Variants in TRIM37 observed in about 807,000 individuals in gnomAD.
The protein encoded by TRIM37 is E3 ubiquitin-protein ligase TRIM37.
In TRIM37, 80 loss-of-function variants were observed where a neutral mutation model predicts 129.8. That is an observed-to-expected ratio of 0.62 (90% confidence interval 0.51 to 0.74). The LOEUF (loss-of-function observed/expected upper bound fraction) is 0.74, where lower values mean the gene tolerates loss of function less well. TRIM37 is among the 30% of genes least tolerant of loss of function. The pLI is 0.00. For missense variants in TRIM37, 1,054 were observed against 1,176.5 expected, an observed-to-expected ratio of 0.90 and a Z score of 1.52; for synonymous variants, 389 against 387.1, an observed-to-expected ratio of 1.00 and a Z score of -0.06.
At chr17:59,036,447 G>GGTGTGTGT (rs10625636) in intron 17 of TRIM37, among the ~76,000 whole-genome samples, 1,589 of 140,652 alleles carry the variant, frequency 0.011, 14 homozygotes, top group Middle Eastern at 0.021. Context: ...ATTTGCTGGG[G>GGTGTGTGT]GTGTGTGTGT....
chr17:59,076,844 A>C (rs575829621), intron 7 of TRIM37, among the ~76,000 whole-genome samples: 1 of 152,278 alleles, frequency 6.6e-6, no homozygotes, highest in South Asian at 2.1e-4. Context: ...GCTAGAATGC[A>C]ATGGCACGAA....
chr17:59,066,949 G>A (rs1342994216), intron 9 of TRIM37, among the ~76,000 whole-genome samples: 1 of 152,048 alleles, frequency 6.6e-6, no homozygotes, highest in Non-Finnish European at 1.5e-5. Flanking sequence ...AATACTTGCT[G>A]GCAGATTCGT....
chr17:58,978,541 T>A (rs2031165269), downstream of TRIM37, among the ~76,000 whole-genome samples: 1 of 152,048 alleles, frequency 6.6e-6, no homozygotes, highest in Admixed American at 6.6e-5. Flanking sequence ...TGAAACCCCG[T>A]CTCTAATAAA....
At chr17:58,990,485 T>C (rs2032269452) in intron 24 of TRIM37, among the ~76,000 whole-genome samples, 2 of 150,366 alleles carry the variant, frequency 1.3e-5, no homozygotes, top group Non-Finnish European at 3.0e-5. Flanking sequence ...AGTGGGACTC[T>C]GTCTCAAAAG....
At chr17:59,054,733 C>T (rs185528658) in intron 13 of TRIM37, among the ~76,000 whole-genome samples, 1 of 152,228 alleles carries the variant, frequency 6.6e-6, no homozygotes, top group Non-Finnish European at 1.5e-5. Flanking sequence ...GGCATAATCT[C>T]GGTTCACTGC....
At chr17:58,987,388 C>T (rs1161866972) in intron 24 of TRIM37, among the ~76,000 whole-genome samples, 1 of 152,150 alleles carries the variant, frequency 6.6e-6, no homozygotes, top group African/African-American at 2.4e-5. Flanking sequence ...AAATGCACAC[C>T]AGGAGACACT....
intron 18 of TRIM37, among the ~76,000 whole-genome samples, chr17:59,029,459 C>T (rs1366673437): frequency 1.3e-5 from 2 of 152,134 alleles, no homozygotes; most frequent in Non-Finnish European, 2.9e-5. Context: ...TTCTACTTAC[C>T]ACTATATGTA....
chr17:59,017,445 A>C (rs2036089943), intron 19 of TRIM37, 21 bp from the exon 20 acceptor site: 1 of 1,613,530 alleles, frequency 6.2e-7, no homozygotes, highest in African/African-American at 1.3e-5. Context: ...ATTTAAGAAC[A>C]CCTCTGAATA....
At position 59,041,885 on chromosome 17, in the gene TRIM37, C is replaced by T; in HGVS notation, c.1681G>A (p.Asp561Asn). Residue 561 changes from aspartate (D) to asparagine (N), a missense_variant, in exon 17 of 24, where the codon GAT (aspartate) becomes AAT (asparagine). Transcript: ENST00000262294. ...IDEETMSGENDVEYNNMELEE... is the reference protein window; with the variant it reads ...IDEETMSGENNVEYNNMELEE... Reference sequence around the variant, plus strand: ...AATTCCATGTTGTTATATTCCACATCATTTTCTCCAGACCTAAGAATATAC... The same window carrying T: ...AATTCCATGTTGTTATATTCCACATTATTTTCTCCAGACCTAAGAATATAC... 6.2e-7 allele frequency: 1 copy of T among 1,612,930 alleles called. No individual in the cohort carries two copies. The highest frequency in any genetic ancestry group is 1.3e-5 in the African/African-American group (1 of 75,008).
chr17:59,065,581 A>G (rs1455082848), intron 9 of TRIM37, among the ~76,000 whole-genome samples: 3 of 152,218 alleles, frequency 2.0e-5, no homozygotes, highest in African/African-American at 7.2e-5. Context: ...TTTCATTAGA[A>G]CACCTCAAAA....
At chr17:59,098,931 T>C (rs1281974294) in intron 2 of TRIM37, among the ~76,000 whole-genome samples, 1 of 152,080 alleles carries the variant, frequency 6.6e-6, no homozygotes, top group African/African-American at 2.4e-5. Flanking sequence ...ACGCCTGTAA[T>C]CCCAGCACTT....
chr17:58,979,416 T>G (rs544141158), downstream of TRIM37, among the ~76,000 whole-genome samples: 39 of 152,182 alleles, frequency 2.6e-4, no homozygotes, highest in Non-Finnish European at 4.4e-4. Context: ...TTAGACTTGA[T>G]TTATAAAATC....
chr17:59,075,301 C>T (rs923279404), intron 8 of TRIM37, among the ~76,000 whole-genome samples: 4 of 151,992 alleles, frequency 2.6e-5, no homozygotes, highest in South Asian at 2.1e-4. Context: ...CGGTGGCTCA[C>T]GCCTGTAATC....
At chr17:59,023,063 T>C (rs1373183901) in intron 19 of TRIM37, among the ~76,000 whole-genome samples, 1 of 152,012 alleles carries the variant, frequency 6.6e-6, no homozygotes, top group Non-Finnish European at 1.5e-5. Flanking sequence ...GGATGTACCT[T>C]TTAACTTTTT....
chr17:59,007,700 C>A (rs938059969), intron 22 of TRIM37, among the ~76,000 whole-genome samples: 3 of 152,190 alleles, frequency 2.0e-5, no homozygotes, highest in African/African-American at 7.2e-5. Context: ...GCGACTAATA[C>A]AACCAAAGGT....
At chr17:59,027,188 G>T (rs2037338857) in intron 19 of TRIM37, among the ~76,000 whole-genome samples, 1 of 152,108 alleles carries the variant, frequency 6.6e-6, no homozygotes, top group South Asian at 2.1e-4. Context: ...TCTAGCAGGT[G>T]TCTCAAATTA....
chr17:59,021,060 G>A (rs1332470035), intron 19 of TRIM37, among the ~76,000 whole-genome samples: 1 of 152,154 alleles, frequency 6.6e-6, no homozygotes, highest in African/African-American at 2.4e-5. Context: ...CAATAACCAT[G>A]GTTTGGAAGC....
chr17:58,992,752 T>C (rs929452781), intron 24 of TRIM37, among the ~76,000 whole-genome samples: 4 of 152,166 alleles, frequency 2.6e-5, no homozygotes, highest in African/African-American at 9.7e-5. Context: ...AACTGGGCTA[T>C]CACATGGTTC....
At chr17:59,047,609 T>G in intron 16 of TRIM37, 74 bp downstream of exon 16, 1 of 1,457,050 alleles carries the variant, frequency 6.9e-7, no homozygotes, top group Non-Finnish European at 9.5e-7. Flanking sequence ...TCCCTACATT[T>G]AAGTGTGAGT....
Sources: gnomAD v4.1 joint callset for allele counts (sites outside exome capture counted in the v4.1 genomes callset) on GRCh38, gnomAD v4.1.1 for gene constraint, MANE v1.5 for transcripts, NCBI Gene and HGNC (gene_info 2026-07-23, HGNC 2026-07-21) for gene names.